The following TMEM39A variants were observed in gnomAD, a reference collection of about 807,000 sequenced individuals.
TMEM39A encodes transmembrane protein 39A.
Under a neutral mutation model 51.9 loss-of-function variants are expected in TMEM39A, and 19 were observed. The ratio of observed to expected loss-of-function variants is 0.37; its 90% CI spans 0.26 to 0.54. The LOEUF (loss-of-function observed/expected upper bound fraction) is 0.54. TMEM39A is among the 20% of genes least tolerant of loss of function. The pLI is 0.88. For synonymous variants in TMEM39A, 197 were observed against 220.2 expected (o/e 0.89, Z 0.93); for missense variants, 433 against 590.5 (o/e 0.73, Z 2.76).
intron 5 of TMEM39A, 86 bp from the exon 6 acceptor site, chr3:119,438,189 G>T: frequency 9.3e-7 from 1 of 1,069,580 alleles, no homozygotes. Flanking sequence ...TATAACTTAG[G>T]TCAATAAAAT....
chr3:119,454,976 G>C (rs558641945), intron 3 of TMEM39A, among the ~76,000 whole-genome samples: 2 of 151,970 alleles, frequency 1.3e-5, no homozygotes, highest in South Asian at 4.2e-4. Context: ...ATGTTTCTTA[G>C]GGTTAAGACT....
chr3:119,432,003 C>T lies in TMEM39A; in HGVS notation c.1445G>A (p.Ser482Asn), dbSNP rs201243022. 1 of 1,608,526 alleles carries T rather than the reference C, an allele frequency of 6.2e-7. No individual in the cohort carries two copies. Among genetic ancestry groups the T allele is most frequent in the East Asian group, 2.2e-5 (1 of 44,722 alleles). ...LGRAYSYPLN[S>N]YELKAN ...AGCTTAGTTTGCCTTGAGTTCATAACTGTTGAGTGGGTAGGAGTATGCCCT... is the reference window on the plus strand; with the variant it reads ...AGCTTAGTTTGCCTTGAGTTCATAATTGTTGAGTGGGTAGGAGTATGCCCT... Residue 482 changes from serine (S) to asparagine (N), a missense_variant, in exon 9 of 9, where the codon AGT becomes AAT. Ser to Asn is a conservative substitution (Grantham distance 46). This residue lies in a region of TMEM39A where 223 missense variants were observed against 328.1 expected (regional missense o/e 0.68). Coordinates refer to ENST00000319172, the MANE Select transcript of TMEM39A (RefSeq NM_018266.3).
intron 5 of TMEM39A, 162 bp downstream of exon 5, chr3:119,446,856 A>T: frequency 1.2e-6 from 1 of 851,780 alleles, no homozygotes; most frequent in Non-Finnish European, 1.8e-6. Context: ...ACTCCAGTTT[A>T]GAAAACAAAT....
At chr3:119,434,691 G>A (rs1371764958) in intron 8 of TMEM39A, 71 bp downstream of exon 8, 1 of 1,573,108 alleles carries the variant, frequency 6.4e-7, no homozygotes, top group Non-Finnish European at 8.7e-7. Context: ...TATGCTACAT[G>A]CTTCCACATA....
At chr3:119,460,181 T>C (rs1216633242) in intron 2 of TMEM39A, among the ~76,000 whole-genome samples, 1 of 151,760 alleles carries the variant, frequency 6.6e-6, no homozygotes, top group Non-Finnish European at 1.5e-5. Context: ...TTCTACCCAC[T>C]CCCTCCCTCC....
intron 5 of TMEM39A, among the ~76,000 whole-genome samples, chr3:119,446,377 C>CT (rs34887205): frequency 0.15 from 22,066 of 152,156 alleles, 2,009 homozygotes; most frequent in Admixed American, 0.2. Context: ...TACTAAGCAA[C>CT]TAATTGACAG....
intron 4 of TMEM39A, among the ~76,000 whole-genome samples, chr3:119,449,184 A>G (rs2107678050): frequency 6.6e-6 from 1 of 152,322 alleles, no homozygotes; most frequent in Admixed American, 6.5e-5. Flanking sequence ...AAAGTACAGG[A>G]TATGAAACTG....
At chr3:119,446,977 C>G in intron 5 of TMEM39A, 41 bp downstream of exon 5, 1 of 1,579,094 alleles carries the variant, frequency 6.3e-7, no homozygotes, top group Non-Finnish European at 8.6e-7. Context: ...GAAATAATTT[C>G]TAAAGATTTA....
Position 119,459,276 on chromosome 3 carries a change from AC to A in TMEM39A, c.114-1037del, listed in dbSNP as rs572528382. Among the ~76,000 whole-genome samples, 19 of 152,316 alleles carry A rather than the reference AC, an allele frequency of 1.2e-4. No homozygotes were observed. In the South Asian group the frequency reaches 3.1e-3, roughly 25 times the overall value. On this transcript the variant is annotated intron_variant, in intron 2 of 8. Transcript: ENST00000319172. ...ACAAACAATGTGGTTTATGCTGAAC[AC>A]CTGTGTTTTGTCCTTGCATATAAAG...
In TMEM39A at chr3:119,459,505, G is replaced by A. The variant is rs1412832741; in HGVS notation, c.114-1265C>T. Among the ~76,000 whole-genome samples, 9 of 152,188 alleles carry A rather than the reference G, an allele frequency of 5.9e-5. No homozygotes were observed. The South Asian group carries it at 1.9e-3, about 31-fold the overall frequency. ...AAAGTATATGCAAGGAATAAGCAAAGAAAACAATAGTTCTTCTCAAATAAG... is the reference window on the plus strand; with the variant it reads ...AAAGTATATGCAAGGAATAAGCAAAAAAAACAATAGTTCTTCTCAAATAAG... On this transcript the variant is annotated intron_variant, in intron 2 of 8. Transcript: ENST00000319172.
intron 4 of TMEM39A, among the ~76,000 whole-genome samples, chr3:119,449,090 C>T (rs1284279470): frequency 1.3e-5 from 2 of 151,836 alleles, no homozygotes; most frequent in African/African-American, 2.4e-5. Context: ...TGTTAGTAAA[C>T]GGTATTTAAG....
At chr3:119,432,261 T>C (rs1406772695) in intron 8 of TMEM39A, 47 bp from the exon 9 acceptor site, 1 of 1,339,644 alleles carries the variant, frequency 7.5e-7, no homozygotes, top group African/African-American at 1.5e-5. Flanking sequence ...AGAAAAGTAA[T>C]GGCTACAGTT....
chr3:119,444,612 G>C (rs1434598761), intron 5 of TMEM39A, among the ~76,000 whole-genome samples: 1 of 152,048 alleles, frequency 6.6e-6, no homozygotes, highest in African/African-American at 2.4e-5. Flanking sequence ...ATAAATTCAC[G>C]CTAACACTTC....
intron 5 of TMEM39A, among the ~76,000 whole-genome samples, chr3:119,441,119 G>A (rs1471088951): frequency 1.3e-5 from 2 of 151,924 alleles, no homozygotes; most frequent in Non-Finnish European, 2.9e-5. Context: ...TCTCCCTCAC[G>A]TCAGACCTCC....
At chr3:119,434,627 T>C in intron 8 of TMEM39A, 135 bp downstream of exon 8, 1 of 1,313,210 alleles carries the variant, frequency 7.6e-7, no homozygotes, top group African/African-American at 1.5e-5. Flanking sequence ...GGGACCACTG[T>C]TACGCTAGTA....
At chr3:119,432,658 A>G (rs2080916288) in intron 8 of TMEM39A, among the ~76,000 whole-genome samples, 1 of 152,184 alleles carries the variant, frequency 6.6e-6, no homozygotes, top group Non-Finnish European at 1.5e-5. Flanking sequence ...TTAAAAATGT[A>G]AAAAACATTC....
intron 3 of TMEM39A, among the ~76,000 whole-genome samples, chr3:119,454,446 T>A (rs1049440951): frequency 6.6e-6 from 1 of 152,220 alleles, no homozygotes; most frequent in African/African-American, 2.4e-5. Context: ...GACCCCTGGC[T>A]GATGTCTGGG....
chr3:119,433,196 A>G (rs1408480295), intron 8 of TMEM39A, among the ~76,000 whole-genome samples: 2 of 152,170 alleles, frequency 1.3e-5, no homozygotes, highest in African/African-American at 4.8e-5. Context: ...TGACAGCTTT[A>G]AAAAGTTTCC....
intron 3 of TMEM39A, 79 bp from the exon 4 acceptor site, chr3:119,452,609 A>G: frequency 8.7e-7 from 1 of 1,143,724 alleles, no homozygotes; most frequent in African/African-American, 1.5e-5. Flanking sequence ...ATAGAGGTTT[A>G]TCCCTCAAAA....
Sources: gnomAD v4.1 joint callset for allele counts (sites outside exome capture counted in the v4.1 genomes callset) on GRCh38, gnomAD v4.1.1 for gene constraint, gnomAD v4.1.1 regional missense constraint, MANE v1.5 for transcripts, NCBI Gene and HGNC (gene_info 2026-07-23, HGNC 2026-07-21) for gene names.